The following NPHP4 variants were observed in gnomAD, a reference collection of about 807,000 sequenced individuals.
The protein encoded by NPHP4 is nephrocystin 4, also known as nephrocystin-4.
A neutral mutation model predicts 155.8 loss-of-function variants in NPHP4; 151 were observed. The ratio of observed to expected loss-of-function variants is 0.97; its 90% CI spans 0.85 to 1.11. The LOEUF (loss-of-function observed/expected upper bound fraction) is 1.11. Among genes scored for constraint, NPHP4 ranks in the 50% least tolerant of loss-of-function variants. NPHP4 has a pLI of 0.00. For synonymous variants in NPHP4, 845 were observed against 816.8 expected (o/e 1.03, Z -0.59); for missense variants, 1,956 against 1,925.7 (o/e 1.02, Z -0.29).
chr1:5,923,452 C>T (rs1215624795), intron 11 of NPHP4, among the ~76,000 whole-genome samples: 1 of 152,186 alleles, frequency 6.6e-6, no homozygotes. Context: ...ATGAGCAGCA[C>T]AGAGAGAGAA....
intron 2 of NPHP4, among the ~76,000 whole-genome samples, chr1:5,985,467 A>G (rs1239402881): frequency 1.3e-5 from 2 of 152,248 alleles, no homozygotes; most frequent in East Asian, 3.8e-4. Flanking sequence ...CCAGCCACGC[A>G]CAGAGCTGCC....
At chr1:5,898,451 C>A (rs1644502181) in intron 16 of NPHP4, among the ~76,000 whole-genome samples, 1 of 152,228 alleles carries the variant, frequency 6.6e-6, no homozygotes, top group African/African-American at 2.4e-5. Context: ...CTCCTCCAGG[C>A]TCACGGGCGT....
At chr1:5,960,040 AG>A (rs1310926849) in intron 6 of NPHP4, among the ~76,000 whole-genome samples, 1 of 152,236 alleles carries the variant, frequency 6.6e-6, no homozygotes, top group Non-Finnish European at 1.5e-5. Context: ...CAGAAGGACA[AG>A]CCACGGACCA....
rs1384119814 is a variant in NPHP4, at chr1:5,904,485, T to G, written c.2143+132A>C. ...TGCTGGGGCTAAGTGTTTGCTGCAC[T>G]GGTCACCGTATGATTCTAATGTTGC... is the stretch of plus-strand genomic sequence containing the variant. On this transcript the variant is annotated intron_variant, in intron 16 of 29. Coordinates refer to ENST00000378156, the MANE Select transcript of NPHP4 (RefSeq NM_015102.5). 1.2e-5 allele frequency: 8 copies of G among 654,792 alleles called. No homozygotes were observed. In the East Asian group the frequency reaches 2.3e-4, roughly 19 times the overall value. The allele number at this position is 654,792 out of a possible 1,614,324, so 40.6% of individuals were successfully genotyped here. A position where few individuals can be genotyped will look rare whatever the true frequency, so the allele number is the denominator to read the frequency against.
At chr1:5,964,230 C>T (rs1019567223) in intron 5 of NPHP4, among the ~76,000 whole-genome samples, 6 of 152,184 alleles carry the variant, frequency 3.9e-5, no homozygotes, top group Non-Finnish European at 5.9e-5. Flanking sequence ...GTCCGTAAAA[C>T]GACCCCGGAA....
At chr1:5,932,299 TA>T (rs778710286) in intron 10 of NPHP4, among the ~76,000 whole-genome samples, 1 of 152,248 alleles carries the variant, frequency 6.6e-6, no homozygotes, top group Non-Finnish European at 1.5e-5. Context: ...TATTTGACAG[TA>T]TTTTACCATA....
rs369550765 is a variant in NPHP4 at position 5,947,198 on chromosome 1, C to T, written c.1025G>A (p.Arg342His). The change falls in exon 9 of 30, where the codon CGC (arginine) becomes CAC (histidine). Residue 342 changes from arginine (R) to histidine (H), a missense_variant. Transcript: ENST00000378156. ...GCCGACCATCTCTGGGAGGCGGAGGCGGCTTCTCAAAACCAGAGCTTGGCT... is the reference window on the plus strand; with the variant it reads ...GCCGACCATCTCTGGGAGGCGGAGGTGGCTTCTCAAAACCAGAGCTTGGCT... ...SGSQALVLRS[R>H]LRLPEMVGHP... is the part of the protein sequence containing the mutation. 44 of 1,613,816 alleles carry T rather than the reference C, an allele frequency of 2.7e-5. No individual in the cohort carries two copies. Among genetic ancestry groups the T allele is most frequent in the Admixed American group, 1.0e-4 (6 of 60,026 alleles).
At chr1:5,915,231 G>T (rs1037966568) in intron 11 of NPHP4, among the ~76,000 whole-genome samples, 1 of 152,158 alleles carries the variant, frequency 6.6e-6, no homozygotes, top group Non-Finnish European at 1.5e-5. Context: ...TTGGGCCTTG[G>T]GGGTAGACTG....
chr1:5,875,186 T>C (rs561983508), intron 20 of NPHP4, 86 bp from the exon 21 acceptor site: 67 of 1,001,890 alleles, frequency 6.7e-5, no homozygotes, highest in Non-Finnish European at 9.8e-5. Flanking sequence ...CCACCCGCGA[T>C]CTCAGAAGAG....
chr1:5,905,781 C>T lies in NPHP4; in HGVS notation c.1614G>A (p.Gln538=). The stretch of plus-strand genomic sequence containing the variant: ...AGATACCGGCCTCCAACGGGAACTC[C>T]TGCTGAACAAAACGAGGGCTTCCAA... The part of the protein sequence containing the change: ...HGSQASPAQA[Q]EFPLEAGISH... Residue 538 remains glutamine, a splice_region_variant and synonymous_variant, in exon 14 of 30, where the codon CAG becomes CAA. Coordinates refer to ENST00000378156, the MANE Select transcript of NPHP4 (RefSeq NM_015102.5). The surrounding 1 kb of genome is among the most constrained non-coding windows in gnomAD (Gnocchi z 4.0). 6.2e-7 allele frequency: 1 copy of T among 1,604,904 alleles called. No homozygotes were observed. Among genetic ancestry groups the T allele is most frequent in the Non-Finnish European group, 8.5e-7 (1 of 1,175,548 alleles).
intron 2 of NPHP4, among the ~76,000 whole-genome samples, chr1:5,982,611 C>T (rs1402634990): frequency 6.6e-6 from 1 of 152,012 alleles, no homozygotes; most frequent in Non-Finnish European, 1.5e-5. Flanking sequence ...TAATTTGTTC[C>T]TTTATTTAGG....
chr1:5,969,325 G>T, intron 3 of NPHP4, 66 bp from the exon 4 acceptor site: 1 of 1,129,128 alleles, frequency 8.9e-7, no homozygotes, highest in Non-Finnish European at 1.2e-6. Flanking sequence ...CATGGGCGCT[G>T]TCCCCACCCC....
At chr1:5,978,563 A>C in intron 2 of NPHP4, 150 bp from the exon 3 acceptor site, 1 of 729,342 alleles carries the variant, frequency 1.4e-6, no homozygotes, top group Non-Finnish European at 2.2e-6. Context: ...TCCCACAGCT[A>C]CTGGTCTTGG....
At chr1:5,946,619 C>T (rs560456937) in intron 9 of NPHP4, among the ~76,000 whole-genome samples, 1 of 152,350 alleles carries the variant, frequency 6.6e-6, no homozygotes, top group South Asian at 2.1e-4. Flanking sequence ...CCCCCGGAAT[C>T]TCCGAAGTGC....
rs1646969637 is a variant in NPHP4, at chr1:5,944,256, A to G, written c.1119+2848T>C. ...TTCCACCACGCAGGGTCCTCACCAAAGACAAGGAGGAGGACGCTGCAGCCG... is the reference window on the plus strand; with the variant it reads ...TTCCACCACGCAGGGTCCTCACCAAGGACAAGGAGGAGGACGCTGCAGCCG... On this transcript the variant is annotated intron_variant, in intron 9 of 29. Coordinates refer to ENST00000378156, the MANE Select transcript of NPHP4 (RefSeq NM_015102.5). The surrounding 1 kb of genome is among the most constrained non-coding windows in gnomAD (Gnocchi z 4.3). Among the ~76,000 whole-genome samples the G allele has an allele frequency of 6.6e-6, 1 of 152,204 alleles. No homozygotes were observed. Among genetic ancestry groups the G allele is most frequent in the African/African-American group, 2.4e-5 (1 of 41,440 alleles).
At chr1:5,939,750 C>T (rs1646728057) in intron 9 of NPHP4, among the ~76,000 whole-genome samples, 1 of 152,224 alleles carries the variant, frequency 6.6e-6, no homozygotes, top group African/African-American at 2.4e-5. Context: ...AGTGACTACA[C>T]CAGGGAAGGG....
At chr1:5,898,150 C>T (rs775423486) in intron 16 of NPHP4, among the ~76,000 whole-genome samples, 1 of 152,152 alleles carries the variant, frequency 6.6e-6, no homozygotes, top group African/African-American at 2.4e-5. Flanking sequence ...CTTGGCTGAT[C>T]CAAAATTCAA....
intron 2 of NPHP4, 39 bp downstream of exon 2, chr1:5,986,116 G>A (rs1183831747): frequency 6.2e-7 from 1 of 1,609,026 alleles, no homozygotes; most frequent in Non-Finnish European, 8.5e-7. Flanking sequence ...TGTCAGCTAA[G>A]AGCAATAACA....
rs781719874 is a variant in NPHP4 at position 5,863,366 on chromosome 1, C to T, written c.4180G>A (p.Ala1394Thr). Residue 1394 changes from alanine to threonine, a missense_variant, in exon 30 of 30, where the codon GCG (alanine) becomes ACG (threonine). Ala to Thr is a moderately conservative substitution (Grantham distance 58). Transcript: ENST00000378156. ...TCCTCACCCACTCTCTGACTAGGCG[C>T]AAACTGCAAGCCGATGGTGTAGGTC... ...GETYTIGLQFAPSQRVGEEEI... is the reference protein window; with the variant it reads ...GETYTIGLQFTPSQRVGEEEI... The T allele has an allele frequency of 6.8e-6, 11 of 1,614,018 alleles. No homozygotes were observed. Among genetic ancestry groups the T allele is most frequent in the Non-Finnish European group, 8.5e-6 (10 of 1,179,892 alleles).
Sources: allele counts gnomAD v4.1 joint callset (sites outside exome capture counted in the v4.1 genomes callset), GRCh38; gene constraint gnomAD v4.1.1; non-coding constraint Gnocchi (gnomAD v3.1); transcripts MANE v1.5; gene names NCBI Gene and HGNC (gene_info 2026-07-23, HGNC 2026-07-21).